The following TSPAN2 variants were observed in gnomAD, a reference collection of about 807,000 sequenced individuals.
TSPAN2 encodes the protein tetraspanin 2, also known as tetraspanin-2.
In TSPAN2, 24 loss-of-function variants were observed where a neutral mutation model predicts 33.3. That is an observed-to-expected ratio of 0.72 (90% confidence interval 0.52 to 1.01). TSPAN2 has a LOEUF of 1.01. Ranked by LOEUF, TSPAN2 falls within the 50% of genes least tolerant of loss-of-function variation. The pLI, the probability that TSPAN2 is intolerant of heterozygous loss-of-function variation, is 0.00. For missense variants in TSPAN2, 278 were observed against 281.3 expected (o/e 0.99, Z 0.08); for synonymous variants, 114 against 104.5 (o/e 1.09, Z -0.56).
chr1:115,056,874 A>AC (rs1647451389), intron 6 of TSPAN2, among the ~76,000 whole-genome samples: 1 of 152,096 alleles, frequency 6.6e-6, no homozygotes, highest in African/African-American at 2.4e-5. Flanking sequence ...GGGCCTGGTG[A>AC]CCATTCCCTC....
At chr1:115,059,377 A>G (rs771985342) in intron 4 of TSPAN2, among the ~76,000 whole-genome samples, 13 of 152,218 alleles carry the variant, frequency 8.5e-5, no homozygotes, top group Non-Finnish European at 1.3e-4. Context: ...GCTTTTGAGG[A>G]TGGAAGGACA....
chr1:115,061,540 T>A (rs1227074491), intron 3 of TSPAN2, among the ~76,000 whole-genome samples: 1 of 151,784 alleles, frequency 6.6e-6, no homozygotes, highest in East Asian at 1.9e-4. Context: ...CTGTGAAATA[T>A]TTTTTTTTAA....
intron 6 of TSPAN2, among the ~76,000 whole-genome samples, chr1:115,055,780 C>T (rs1647396384): frequency 6.6e-6 from 1 of 152,122 alleles, no homozygotes; most frequent in African/African-American, 2.4e-5. Context: ...CCTCTGCCTC[C>T]CTAAGTGCTA....
In TSPAN2 at chr1:115,062,218, C is replaced by A. The variant is rs1378219861; in HGVS notation, c.187G>T (p.Val63Phe). 2.0e-5 allele frequency: 32 copies of A among 1,591,156 alleles called. No homozygotes were observed. Among genetic ancestry groups the A allele is most frequent in the Non-Finnish European group, 2.7e-5 (31 of 1,168,568 alleles). ...GCCATCATCAGGGCCCCGGCTCCAA[C>A]CAGAACATACAGCCCTGTGGGGAAG... ...EYFYVGLYVL[V>F]GAGALMMAVG... Residue 63 changes from valine to phenylalanine, a missense_variant, in exon 3 of 8, where the codon GTT (valine) becomes TTT (phenylalanine). By Grantham distance (50) the Val-to-Phe change is conservative. Coordinates refer to ENST00000369516, the MANE Select transcript of TSPAN2 (RefSeq NM_005725.6).
At position 115,053,365 on chromosome 1, in the gene TSPAN2, T is replaced by C; in HGVS notation, c.600+14A>G. ...TTTAGAGGGCAAAAAGGGTAAGTTC[T>C]AGAACTTTCTCACCGTCAGACCTGC... is the stretch of plus-strand genomic sequence containing the variant. On this transcript the variant is annotated intron_variant, in intron 7 of 7. Transcript: ENST00000369516. 6.2e-7 allele frequency: 1 copy of C among 1,613,236 alleles called. No homozygotes were observed. The highest frequency in any genetic ancestry group is 8.5e-7 in the Non-Finnish European group (1 of 1,179,250).
At chr1:115,068,314 A>C (rs1330907729) in intron 2 of TSPAN2, among the ~76,000 whole-genome samples, 1 of 152,208 alleles carries the variant, frequency 6.6e-6, no homozygotes, top group Non-Finnish European at 1.5e-5. Flanking sequence ...CCAAGGAAAG[A>C]GAACCAAGGA....
intron 1 of TSPAN2, among the ~76,000 whole-genome samples, chr1:115,076,532 G>C (rs1169434623): frequency 6.6e-6 from 1 of 152,192 alleles, no homozygotes; most frequent in African/African-American, 2.4e-5. Context: ...GACGTGGAGA[G>C]CTGTGAGAAC....
At chr1:115,050,616 A>G in intron 7 of TSPAN2, 61 bp from the exon 8 acceptor site, 1 of 1,372,074 alleles carries the variant, frequency 7.3e-7, no homozygotes, top group East Asian at 2.3e-5. Flanking sequence ...TAAAAAGTTC[A>G]GCAGACTTCC....
At chr1:115,076,281 G>T (rs12743506) in intron 1 of TSPAN2, among the ~76,000 whole-genome samples, 18,408 of 152,170 alleles carry the variant, frequency 0.12, 1,237 homozygotes, top group East Asian at 0.21. Context: ...AGGAGAGTCT[G>T]GGGGAGGTCG....
chr1:115,082,301 C>T (rs919817940), intron 1 of TSPAN2, among the ~76,000 whole-genome samples: 5 of 152,166 alleles, frequency 3.3e-5, no homozygotes, highest in African/African-American at 7.2e-5. Context: ...CCTTCCTCTC[C>T]GATAGTCTGT....
At chr1:115,060,237 T>C (rs1184096026) in intron 4 of TSPAN2, among the ~76,000 whole-genome samples, 1 of 152,084 alleles carries the variant, frequency 6.6e-6, no homozygotes, top group African/African-American at 2.4e-5. Flanking sequence ...GACCACTTCA[T>C]AAGTCTAATG....
At chr1:115,061,012 G>C (rs72697923) in intron 3 of TSPAN2, among the ~76,000 whole-genome samples, 2 of 152,126 alleles carry the variant, frequency 1.3e-5, no homozygotes, top group East Asian at 1.9e-4. Flanking sequence ...GTCTGGAAAG[G>C]CTTCTTTGAG....
intron 2 of TSPAN2, 64 bp downstream of exon 2, chr1:115,072,841 G>T: frequency 2.2e-6 from 3 of 1,392,050 alleles, no homozygotes; most frequent in South Asian, 2.3e-5. Context: ...TGCAGCTTCT[G>T]CTCTAAGTCT....
At chr1:115,052,671 A>G (rs1197486109) in intron 7 of TSPAN2, among the ~76,000 whole-genome samples, 1 of 152,152 alleles carries the variant, frequency 6.6e-6, no homozygotes, top group African/African-American at 2.4e-5. Context: ...TGTACTTTAG[A>G]AGTACAGAGC....
Position 115,058,965 on chromosome 1 carries a change from T to C in TSPAN2, c.362A>G (p.Gln121Arg). ...ATTGTAAGCCTCTTCATACATGGTC[T>C]GAACATGTCGGATAGCCTGAAGAAA... is the stretch of plus-strand genomic sequence containing the variant. ...IGKGVAIRHV[Q>R]TMYEEAYNDY... Residue 121 changes from glutamine to arginine, a missense_variant, in exon 5 of 8, where the codon CAG becomes CGG. Gln to Arg is a conservative substitution (Grantham distance 43). Coordinates refer to ENST00000369516, the MANE Select transcript of TSPAN2 (RefSeq NM_005725.6). The C allele has an allele frequency of 1.2e-6, 2 of 1,613,700 alleles. No homozygotes were observed. Among genetic ancestry groups the C allele is most frequent in the East Asian group, 4.5e-5 (2 of 44,872 alleles).
chr1:115,070,672 C>G (rs913659489), intron 2 of TSPAN2, among the ~76,000 whole-genome samples: 2 of 152,012 alleles, frequency 1.3e-5, no homozygotes, highest in Non-Finnish European at 2.9e-5. Context: ...CTCAGCCTTT[C>G]TAGTCCCCAT....
At chr1:115,059,980 G>A (rs150317621) in intron 4 of TSPAN2, among the ~76,000 whole-genome samples, 22 of 152,188 alleles carry the variant, frequency 1.4e-4, no homozygotes, top group Non-Finnish European at 2.2e-4. Flanking sequence ...GTGTCCCCCC[G>A]ATAACCTATT....
At chr1:115,058,427 C>G (rs1339302826) in intron 5 of TSPAN2, 4 of 224,960 alleles carry the variant, frequency 1.8e-5, no homozygotes, top group Non-Finnish European at 3.5e-5. Flanking sequence ...ACCCTTCATT[C>G]TACAAATGAG....
intron 1 of TSPAN2, among the ~76,000 whole-genome samples, chr1:115,085,541 G>A (rs968822911): frequency 1.3e-5 from 2 of 152,152 alleles, no homozygotes; most frequent in African/African-American, 4.8e-5. Context: ...CCGTAACTCC[G>A]AGGGGCAGGC....
Sources: allele counts gnomAD v4.1 joint callset (sites outside exome capture counted in the v4.1 genomes callset), GRCh38; gene constraint gnomAD v4.1.1; transcripts MANE v1.5; gene names NCBI Gene and HGNC (gene_info 2026-07-23, HGNC 2026-07-21).